The following SERPINF2 variants were observed in gnomAD, a reference collection of about 807,000 sequenced individuals.
SERPINF2 encodes alpha-2-antiplasmin.
SERPINF2 carries 15 observed loss-of-function variants against 45.0 expected under a neutral mutation model. The observed-to-expected ratio is 0.33, with a 90% CI of 0.22 to 0.51. The LOEUF (loss-of-function observed/expected upper bound fraction) is 0.51. Among genes scored for constraint, SERPINF2 ranks in the 20% least tolerant of loss-of-function variants. The pLI is 0.97. For synonymous variants in SERPINF2, 283 were observed against 277.9 expected, an observed-to-expected ratio of 1.02 and a Z score of -0.18; for missense variants, 518 against 637.4, an observed-to-expected ratio of 0.81 and a Z score of 2.02.
chr17:1,745,689 C>T lies in SERPINF2; in HGVS notation c.166-19C>T, dbSNP rs757961146. ...GAGCTGACCCCTTGACCTCCCTGAC[C>T]CCTGATCTGTCCCTGCAGGAGCCTG... On this transcript the variant is annotated intron_variant, in intron 4 of 9. Transcript: ENST00000453066. The surrounding 1 kb of genome is among the most constrained non-coding windows in gnomAD (Gnocchi z 6.2). 2 of 1,611,710 alleles carry T rather than the reference C, an allele frequency of 1.2e-6. No homozygotes were observed. Among genetic ancestry groups the T allele is most frequent in the Admixed American group, 3.3e-5 (2 of 60,010 alleles).
At chr17:1,746,998 A>G (rs1195939093) in intron 5 of SERPINF2, 21 bp from the exon 6 acceptor site, 1 of 1,602,390 alleles carries the variant, frequency 6.2e-7, no homozygotes, top group Non-Finnish European at 8.5e-7. Flanking sequence ...GCCGGGCCTC[A>G]GCCTGTGCGG....
chr17:1,745,833 G>A lies in SERPINF2; in HGVS notation c.291G>A (p.Val97=), dbSNP rs770689856. ...MAFTADLFSL[V]AQTSTCPNLI... ...TCACTGCCGACCTGTTCTCCCTGGT[G>A]GCTCAAACGTCCACCTGCCCCAACC... The change falls in exon 5 of 10, where the codon GTG becomes GTA. Residue 97 remains valine, a synonymous_variant. Coordinates refer to ENST00000453066, the MANE Select transcript of SERPINF2 (RefSeq NM_000934.4). The surrounding 1 kb of genome is among the most constrained non-coding windows in gnomAD (Gnocchi z 6.2). 3.1e-6 allele frequency: 5 copies of A among 1,614,020 alleles called. No homozygotes were observed. Among genetic ancestry groups the A allele is most frequent in the Non-Finnish European group, 3.4e-6 (4 of 1,180,026 alleles).
chr17:1,753,194 C>T (rs150800118), intron 9 of SERPINF2, among the ~76,000 whole-genome samples: 5 of 152,250 alleles, frequency 3.3e-5, no homozygotes, highest in South Asian at 4.1e-4. Context: ...TGCTTGAGCC[C>T]GGGAGTCCGA....
intron 8 of SERPINF2, among the ~76,000 whole-genome samples, chr17:1,750,008 C>T (rs1211834362): frequency 6.6e-6 from 1 of 150,846 alleles, no homozygotes; most frequent in Non-Finnish European, 1.5e-5. Context: ...GAGTCTTGCT[C>T]TGTCACCCAG....
At chr17:1,743,211 C>G in intron 1 of SERPINF2, 1 of 608,538 alleles carries the variant, frequency 1.6e-6, no homozygotes, top group Non-Finnish European at 2.1e-6. Context: ...CTGACTTATC[C>G]TCCTGAGACC....
intron 1 of SERPINF2, among the ~76,000 whole-genome samples, chr17:1,744,122 C>G (rs559989643): frequency 4.0e-5 from 6 of 151,218 alleles, no homozygotes; most frequent in Non-Finnish European, 5.9e-5. Context: ...CTTGAACTCC[C>G]GACCTCAGGT....
At chr17:1,746,629 G>T (rs1905849134) in intron 5 of SERPINF2, among the ~76,000 whole-genome samples, 1 of 151,990 alleles carries the variant, frequency 6.6e-6, no homozygotes, top group African/African-American at 2.4e-5. Flanking sequence ...GTTTCACCAT[G>T]TTGGCCAGGG....
At chr17:1,750,235 A>G (rs570039919) in intron 8 of SERPINF2, among the ~76,000 whole-genome samples, 41 of 151,338 alleles carry the variant, frequency 2.7e-4, no homozygotes, top group Non-Finnish European at 4.7e-4. Flanking sequence ...TGCAATCTCT[A>G]CCTCCCGGGT....
intron 5 of SERPINF2, among the ~76,000 whole-genome samples, chr17:1,746,763 C>T (rs1295691069): frequency 6.6e-6 from 1 of 152,136 alleles, no homozygotes; most frequent in Non-Finnish European, 1.5e-5. Flanking sequence ...TTGCTAGCTA[C>T]ACTCTTTCCC....
chr17:1,744,663 AG>A (rs1177741420), intron 1 of SERPINF2: 8 of 985,332 alleles, frequency 8.1e-6, no homozygotes, highest in Non-Finnish European at 9.6e-6. Context: ...ATTCAGACAC[AG>A]ATCTGATTCA....
chr17:1,748,969 C>T (rs1906123059), intron 8 of SERPINF2, among the ~76,000 whole-genome samples: 1 of 152,228 alleles, frequency 6.6e-6, no homozygotes, highest in Non-Finnish European at 1.5e-5. Context: ...ATATACTGGG[C>T]ATTTGCTGTG....
Position 1,754,504 on chromosome 17 carries a change from G to A in SERPINF2, c.1446G>A (p.Glu482=), listed in dbSNP as rs1363843029. The A allele has an allele frequency of 3.1e-6, 5 of 1,611,228 alleles. No homozygotes were observed. The highest frequency in any genetic ancestry group is 1.7e-4 in the Middle Eastern group (1 of 6,046). Residue 482 remains glutamate (E), a synonymous_variant, in exon 10 of 10, where the codon GAG becomes GAA. Transcript: ENST00000453066. The part of the protein sequence containing the change: ...PDLKLVPPME[E]DYPQFGSPK ...TAAAACTTGTGCCCCCCATGGAGGA[G>A]GATTACCCCCAGTTTGGCAGCCCCA...
intron 8 of SERPINF2, among the ~76,000 whole-genome samples, chr17:1,750,438 T>C (rs4790820): frequency 0.23 from 35,193 of 151,700 alleles, 4,094 homozygotes; most frequent in South Asian, 0.37. Flanking sequence ...TGAGCCACCG[T>C]GCCCGGCCAA....
At chr17:1,751,586 C>T (rs562120485) in intron 8 of SERPINF2, among the ~76,000 whole-genome samples, 1 of 135,880 alleles carries the variant, frequency 7.4e-6, no homozygotes, top group African/African-American at 2.5e-5. Flanking sequence ...AACCCCATCT[C>T]TTCTAAAAAT....
Position 1,747,523 on chromosome 17 carries a change from C to A in SERPINF2, c.715+11C>A, listed in dbSNP as rs748899037. On this transcript the variant is annotated intron_variant, in intron 7 of 9. Coordinates refer to ENST00000453066, the MANE Select transcript of SERPINF2 (RefSeq NM_000934.4). ...CCATCCACTTCCAGGGTGCGCTCCT[C>A]CTCCTCTCAGATCCCCCACCCTGTA... The A allele has an allele frequency of 1.9e-6, 3 of 1,613,054 alleles. No homozygotes were observed. Among genetic ancestry groups the A allele is most frequent in the South Asian group, 2.2e-5 (2 of 90,904 alleles).
At chr17:1,744,516 C>A in intron 1 of SERPINF2, 1 of 983,212 alleles carries the variant, frequency 1.0e-6, no homozygotes. Flanking sequence ...ACAAAAAATC[C>A]CAAAAAGACG....
rs1906717085 is a variant in SERPINF2 at position 1,754,776 on chromosome 17, T to G, written c.*242T>G. On this transcript the variant is annotated 3_prime_UTR_variant, in exon 10 of 10. Transcript: ENST00000453066. ...TTCCAAACAGGCTCAGAGGGTGTCC[T>G]GCACCGGGGCCTGGGCAGGAGGGAG... The G allele has an allele frequency of 1.8e-6, 1 of 552,826 alleles. No individual in the cohort carries two copies. The allele number at this position is 552,826 out of a possible 1,614,324, so 34.2% of individuals were successfully genotyped here.
intron 1 of SERPINF2, 111 bp from the exon 2 acceptor site, chr17:1,744,881 C>T: frequency 6.3e-7 from 1 of 1,582,086 alleles, no homozygotes; most frequent in Non-Finnish European, 8.6e-7. Context: ...CTGCTTCTTC[C>T]CCTTGGCAAT....
In SERPINF2 at chr17:1,748,549, C is replaced by T. The variant is rs186739623; in HGVS notation, c.716-49C>T. 242 of 1,605,726 alleles carry T rather than the reference C, an allele frequency of 1.5e-4. 1 individual carries two copies. The African/African-American group carries it at 2.7e-3, about 18-fold the overall frequency. ...CATCGACGTGACCCCTGCCCTCTGC[C>T]CCAAGCTGGTCCCCGTCGACGTGAC... On this transcript the variant is annotated intron_variant, in intron 7 of 9. Transcript: ENST00000453066.
Sources: allele counts gnomAD v4.1 joint callset (sites outside exome capture counted in the v4.1 genomes callset), GRCh38; gene constraint gnomAD v4.1.1; non-coding constraint Gnocchi (gnomAD v3.1); transcripts MANE v1.5; gene names NCBI Gene and HGNC (gene_info 2026-07-23, HGNC 2026-07-21).